Variants in ZNF521 observed in about 807,000 individuals in gnomAD.
ZNF521 encodes LYST-interacting protein 3.
Under a neutral mutation model 105.5 loss-of-function variants are expected in ZNF521, and 14 were observed. That is an observed-to-expected ratio of 0.13 (90% confidence interval 0.09 to 0.21). The LOEUF is 0.21. ZNF521 is among the 10% of genes least tolerant of loss of function. The pLI, the probability that ZNF521 is intolerant of heterozygous loss-of-function variation, is 1.00. For missense variants in ZNF521, 1,233 were observed against 1,629.7 expected, an observed-to-expected ratio of 0.76 and a Z score of 4.19; for synonymous variants, 635 against 606.0, an observed-to-expected ratio of 1.05 and a Z score of -0.70.
chr18:25,350,990 G>A (rs1206426211), intron 1 of ZNF521, 43 bp from the exon 2 acceptor site: 5 of 1,495,618 alleles, frequency 3.3e-6, no homozygotes, highest in Non-Finnish European at 2.7e-6. Flanking sequence ...AGCCCTGAAA[G>A]AAACTATACT....
At chr18:25,072,812 G>A (rs2033259801) in intron 7 of ZNF521, among the ~76,000 whole-genome samples, 1 of 152,082 alleles carries the variant, frequency 6.6e-6, no homozygotes, top group Admixed American at 6.5e-5. Context: ...AGATATTCAG[G>A]GATTAAGTCA....
At chr18:25,167,751 C>T (rs778408595) in intron 5 of ZNF521, among the ~76,000 whole-genome samples, 4 of 152,228 alleles carry the variant, frequency 2.6e-5, no homozygotes, top group Admixed American at 6.5e-5. Flanking sequence ...TGCTCTGTGG[C>T]TTTGTGCCCC....
intron 7 of ZNF521, among the ~76,000 whole-genome samples, chr18:25,069,487 T>C (rs2033161010): frequency 6.6e-6 from 1 of 152,178 alleles, no homozygotes; most frequent in South Asian, 2.1e-4. Flanking sequence ...TTCTAAAAAT[T>C]ACACTGAAGA....
chr18:25,325,588 C>T (rs892384146), intron 2 of ZNF521, among the ~76,000 whole-genome samples: 1 of 152,122 alleles, frequency 6.6e-6, no homozygotes, highest in African/African-American at 2.4e-5. Flanking sequence ...ACTGCAACTA[C>T]AAACTGTGTC....
intron 2 of ZNF521, among the ~76,000 whole-genome samples, chr18:25,350,309 AGCCGGGGTCCGGTGCCCGCGGCCGGCG>A (rs1914676736): frequency 6.6e-6 from 1 of 151,370 alleles, no homozygotes; most frequent in Non-Finnish European, 1.5e-5. Flanking sequence ...CTGAGGCCCG[AGCCGGGGTCCGGTGCCCGCGGCCGGCG>A]GCCGGGGTCT....
In ZNF521 at chr18:25,225,199, G is replaced by A; in HGVS notation, c.2719C>T (p.Arg907Ter). 2 of 1,614,062 alleles carry A rather than the reference G, an allele frequency of 1.2e-6. No homozygotes were observed. The highest frequency in any genetic ancestry group is 1.7e-6 in the Non-Finnish European group (2 of 1,180,006). The change falls in exon 4 of 8, where the codon CGA (arginine) becomes TGA (stop). Residue 907 changes from arginine to a stop codon, truncating the protein, a stop_gained. Transcript: ENST00000361524. LOFTEE classifies it high-confidence loss of function. This position sits in a 1 kb window ranked among gnomAD's most constrained non-coding sequence, Gnocchi z 5.6. ...TCTCCAGGTCTGATGTTGTGGTCTC[G>A]GAGCTGGTGATTCTGCAGCAAAGTT... ...METLLQNHQL[R>*]DHNIRPGESA...
At chr18:25,244,853 T>G (rs568356225) in intron 3 of ZNF521, among the ~76,000 whole-genome samples, 3 of 152,234 alleles carry the variant, frequency 2.0e-5, no homozygotes, top group South Asian at 2.1e-4. Flanking sequence ...ACAAACTGCA[T>G]AGCTGCATTC....
rs768643281 is a variant in ZNF521, at chr18:25,224,459, G to C, written c.3459C>G (p.Leu1153=). The change falls in exon 4 of 8, where the codon CTC becomes CTG. Residue 1153 remains leucine, a synonymous_variant. Transcript: ENST00000361524. ...CNVKFESESE[L]QNHIQTIHRE... Reference sequence around the variant, plus strand: ...GGTGGATGGTTTGGATGTGGTTCTGGAGTTCACTTTCAGACTCAAACTTAA... The same window carrying C: ...GGTGGATGGTTTGGATGTGGTTCTGCAGTTCACTTTCAGACTCAAACTTAA... 6.2e-7 allele frequency: 1 copy of C among 1,613,934 alleles called. No homozygotes were observed. The highest frequency in any genetic ancestry group is 8.5e-7 in the Non-Finnish European group (1 of 1,179,992).
chr18:25,322,999 C>T lies in ZNF521; in HGVS notation c.41-812G>A, dbSNP rs143651816. On this transcript the variant is annotated intron_variant, in intron 2 of 7. Transcript: ENST00000361524. ...ATGTGGGGGTGCGGGGAGAGAAAAG[C>T]ACGTGGAATGCTTTTACTTAGAGCT... 1.7e-3 allele frequency among the ~76,000 whole-genome samples: 259 copies of T among 152,042 alleles called. 1 individual carries two copies. Among genetic ancestry groups the T allele is most frequent in the African/African-American group, 4.3e-3 (179 of 41,434 alleles).
chr18:25,337,217 G>C (rs1176242375), intron 2 of ZNF521, among the ~76,000 whole-genome samples: 3 of 152,126 alleles, frequency 2.0e-5, no homozygotes, highest in Non-Finnish European at 2.9e-5. Context: ...GGGGAACACA[G>C]AATGAAAAGA....
At chr18:25,338,354 G>A (rs138334919) in intron 2 of ZNF521, among the ~76,000 whole-genome samples, 138 of 150,690 alleles carry the variant, frequency 9.2e-4, no homozygotes, top group Middle Eastern at 6.9e-3. Flanking sequence ...TGAGTTGAAA[G>A]TGGAAAAAAG....
At chr18:25,164,735 G>A (rs373089830) in intron 5 of ZNF521, among the ~76,000 whole-genome samples, 3 of 152,286 alleles carry the variant, frequency 2.0e-5, no homozygotes, top group South Asian at 4.1e-4. Flanking sequence ...TCACACTGCT[G>A]CCCCTCCCTG....
intron 5 of ZNF521, among the ~76,000 whole-genome samples, chr18:25,172,883 C>G (rs1311071810): frequency 6.6e-6 from 1 of 152,126 alleles, no homozygotes; most frequent in Admixed American, 6.5e-5. Context: ...GATGCACCAC[C>G]CAATATCCAC....
intron 5 of ZNF521, among the ~76,000 whole-genome samples, chr18:25,100,848 A>G (rs2033952630): frequency 6.6e-6 from 1 of 152,188 alleles, no homozygotes; most frequent in Admixed American, 6.5e-5. Context: ...TTAGAGCTCC[A>G]TAACCTTTAA....
In ZNF521 at chr18:25,248,430, T is replaced by A. The variant is rs562516677; in HGVS notation, c.221-20733A>T. Among the ~76,000 whole-genome samples the A allele has an allele frequency of 5.3e-5, 8 of 152,348 alleles. No individual in the cohort carries two copies. The South Asian group carries it at 6.2e-4, about 12-fold the overall frequency. On this transcript the variant is annotated intron_variant, in intron 3 of 7. Coordinates refer to ENST00000361524, the MANE Select transcript of ZNF521 (RefSeq NM_015461.3). ...GGAAAAGACTTGGCAACACTGAATGTATATTATGATGTTATCATTTATGCA... is the reference window on the plus strand; with the variant it reads ...GGAAAAGACTTGGCAACACTGAATGAATATTATGATGTTATCATTTATGCA...
At chr18:25,351,064 CCCTCGCTCCGCGCTCCGCT>C (rs1244405663) in intron 1 of ZNF521, 117 bp from the exon 2 acceptor site, 8 of 665,272 alleles carry the variant, frequency 1.2e-5, no homozygotes, top group African/African-American at 5.9e-5. Context: ...CTCCCTCGCG[CCCTCGCTCCGCGCTCCGCT>C]CCTCGCTCCG....
At chr18:25,146,401 C>T (rs2034943938) in intron 5 of ZNF521, among the ~76,000 whole-genome samples, 1 of 152,100 alleles carries the variant, frequency 6.6e-6, no homozygotes, top group South Asian at 2.1e-4. Context: ...AACTACCCTT[C>T]CAGGTGTCCT....
At chr18:25,218,098 A>G (rs145762553) in intron 4 of ZNF521, among the ~76,000 whole-genome samples, 10 of 152,320 alleles carry the variant, frequency 6.6e-5, no homozygotes, top group Non-Finnish European at 1.0e-4. Context: ...CGAAACCTGA[A>G]GGGTCCTGTA....
chr18:25,166,323 C>T (rs1010809302), intron 5 of ZNF521, among the ~76,000 whole-genome samples: 6 of 152,074 alleles, frequency 3.9e-5, no homozygotes, highest in Admixed American at 1.3e-4. Context: ...ATTGCTATCA[C>T]GATATTCAAA....
Sources: gnomAD v4.1 joint callset for allele counts (sites outside exome capture counted in the v4.1 genomes callset) on GRCh38, gnomAD v4.1.1 for gene constraint, Gnocchi (gnomAD v3.1) non-coding constraint, MANE v1.5 for transcripts, NCBI Gene and HGNC (gene_info 2026-07-23, HGNC 2026-07-21) for gene names.